Variants in ADAM22 observed in about 807,000 individuals in gnomAD.
ADAM22 encodes ADAM metallopeptidase domain 22, also known as disintegrin and metalloproteinase domain-containing protein 22.
In ADAM22, 65 loss-of-function variants were observed where a neutral mutation model predicts 144.6. That is an observed-to-expected ratio of 0.45 (90% CI 0.37 to 0.55). The LOEUF is 0.55. ADAM22 is among the 20% of genes least tolerant of loss of function. ADAM22 has a pLI of 0.00. For synonymous variants in ADAM22, 391 were observed against 412.6 expected (o/e 0.95, Z 0.63); for missense variants, 974 against 1,184.9 (o/e 0.82, Z 2.61).
chr7:88,127,676 A>G (rs940090904), intron 8 of ADAM22, among the ~76,000 whole-genome samples: 3 of 151,958 alleles, frequency 2.0e-5, no homozygotes, highest in African/African-American at 4.8e-5. Flanking sequence ...TTTAACTGCA[A>G]CACTCAAAAC....
chr7:88,045,438 T>C (rs1298999095), intron 3 of ADAM22, among the ~76,000 whole-genome samples: 1 of 152,186 alleles, frequency 6.6e-6, no homozygotes, highest in Non-Finnish European at 1.5e-5. Flanking sequence ...TTGAAAAAAA[T>C]TGTGTATATT....
At chr7:87,985,017 T>G (rs987190911) in intron 3 of ADAM22, among the ~76,000 whole-genome samples, 2 of 152,170 alleles carry the variant, frequency 1.3e-5, no homozygotes, top group African/African-American at 4.8e-5. Context: ...TTTTTTTTTT[T>G]TAAAGAATTT....
intron 14 of ADAM22, among the ~76,000 whole-genome samples, chr7:88,139,497 ACT>A (rs1342757773): frequency 2.0e-5 from 3 of 152,232 alleles, no homozygotes; most frequent in Non-Finnish European, 2.9e-5. Context: ...AAATTTGATA[ACT>A]CTGGCAGAGA....
intron 2 of ADAM22, among the ~76,000 whole-genome samples, chr7:87,954,555 T>C (rs979223712): frequency 9.8e-4 from 149 of 152,318 alleles, no homozygotes; most frequent in Non-Finnish European, 1.4e-3. Context: ...ACCCGACCTT[T>C]CTCTTTTGCT....
At chr7:88,165,446 G>A (rs879505191) in intron 23 of ADAM22, among the ~76,000 whole-genome samples, 4 of 151,918 alleles carry the variant, frequency 2.6e-5, no homozygotes, top group Non-Finnish European at 5.9e-5. Context: ...TAACATTTTT[G>A]CATGAAGACC....
At chr7:88,037,224 T>C (rs894114292) in intron 3 of ADAM22, among the ~76,000 whole-genome samples, 3 of 152,094 alleles carry the variant, frequency 2.0e-5, no homozygotes, top group African/African-American at 7.2e-5. Flanking sequence ...TATAGCCCAG[T>C]TTTCTAGTGG....
At chr7:87,995,752 C>G (rs1791032951) in intron 3 of ADAM22, among the ~76,000 whole-genome samples, 1 of 152,190 alleles carries the variant, frequency 6.6e-6, no homozygotes, top group Non-Finnish European at 1.5e-5. Flanking sequence ...ATAGTTTTTT[C>G]TCACTATCTT....
intron 3 of ADAM22, among the ~76,000 whole-genome samples, chr7:88,007,255 A>C (rs1794148481): frequency 6.6e-6 from 1 of 152,308 alleles, no homozygotes; most frequent in Non-Finnish European, 1.5e-5. Context: ...AAGAGGATAC[A>C]AACAAATGGA....
At position 88,108,168 on chromosome 7, in the gene ADAM22, G is replaced by C; in HGVS notation, c.391-8G>C. 6.2e-7 allele frequency: 1 copy of C among 1,608,576 alleles called. No homozygotes were observed. Among genetic ancestry groups the C allele is most frequent in the African/African-American group, 1.3e-5 (1 of 74,652 alleles). On this transcript the variant is annotated splice_region_variant and splice_polypyrimidine_tract_variant and intron_variant, in intron 4 of 31. Coordinates refer to ENST00000413139, the MANE Select transcript of ADAM22 (RefSeq NM_001324418.2). ...GCAAAGACTTACATTCTTTATTTCT[G>C]TTTTCAGGGAGGAGAGCACTGTTAC...
At chr7:88,169,577 A>G (rs550934915) in intron 25 of ADAM22, among the ~76,000 whole-genome samples, 56 of 152,212 alleles carry the variant, frequency 3.7e-4, no homozygotes, top group Non-Finnish European at 6.5e-4. Flanking sequence ...GCTTAAGACC[A>G]TGTTAGGTGA....
chr7:88,072,235 A>G (rs1240030037), intron 3 of ADAM22, among the ~76,000 whole-genome samples: 4 of 152,130 alleles, frequency 2.6e-5, no homozygotes, highest in African/African-American at 9.7e-5. Flanking sequence ...CTTGATTGAA[A>G]TAGCTGCATA....
chr7:88,177,576 AAG>A (rs1563401231), intron 26 of ADAM22, among the ~76,000 whole-genome samples: 4 of 152,326 alleles, frequency 2.6e-5, no homozygotes, highest in Non-Finnish European at 5.9e-5. Flanking sequence ...GTAAACATAA[AAG>A]AGAGTAGATT....
intron 4 of ADAM22, among the ~76,000 whole-genome samples, chr7:88,103,427 T>C (rs1823492443): frequency 1.3e-5 from 2 of 152,140 alleles, no homozygotes; most frequent in South Asian, 4.1e-4. Flanking sequence ...GTTCCTAGAA[T>C]AAAAAATTAC....
At chr7:88,175,883 A>G (rs1845521784) in intron 26 of ADAM22, among the ~76,000 whole-genome samples, 2 of 152,226 alleles carry the variant, frequency 1.3e-5, no homozygotes, top group Admixed American at 6.5e-5. Flanking sequence ...AAGCAAGAAG[A>G]ATTAGCTTTG....
chr7:88,087,135 TATA>T (rs1158203017), intron 4 of ADAM22, among the ~76,000 whole-genome samples: 15 of 152,182 alleles, frequency 9.9e-5, no homozygotes, highest in African/African-American at 3.1e-4. Context: ...CTCTTACATG[TATA>T]ATATTTTATA....
At chr7:88,195,953 A>G (rs558417070) in intron 31 of ADAM22, among the ~76,000 whole-genome samples, 16 of 152,292 alleles carry the variant, frequency 1.1e-4, no homozygotes, top group Non-Finnish European at 1.9e-4. Flanking sequence ...CAAGGGAATC[A>G]TCTGCAAAGC....
chr7:88,037,695 A>G (rs1434724122), intron 3 of ADAM22, among the ~76,000 whole-genome samples: 1 of 152,156 alleles, frequency 6.6e-6, no homozygotes, highest in East Asian at 1.9e-4. Context: ...TCAATGAAGA[A>G]TGATGTTTGA....
chr7:88,123,117 C>G (rs1049547881), intron 7 of ADAM22, among the ~76,000 whole-genome samples: 3 of 151,912 alleles, frequency 2.0e-5, no homozygotes. Flanking sequence ...TAAATGGGCC[C>G]CAATTGGTTA....
intron 2 of ADAM22, among the ~76,000 whole-genome samples, chr7:87,974,918 A>G (rs1851538076): frequency 1.3e-5 from 2 of 151,800 alleles, no homozygotes; most frequent in Admixed American, 1.3e-4. Context: ...CCACCATCAT[A>G]CCTTCTTCTC....
Sources: allele counts gnomAD v4.1 joint callset (sites outside exome capture counted in the v4.1 genomes callset), GRCh38; gene constraint gnomAD v4.1.1; transcripts MANE v1.5; gene names NCBI Gene and HGNC (gene_info 2026-07-23, HGNC 2026-07-21).